Variants in BCKDHB observed in about 807,000 individuals in gnomAD.
BCKDHB encodes the protein 2-oxoisovalerate dehydrogenase subunit beta, mitochondrial.
In BCKDHB, 41 loss-of-function variants were observed where a neutral mutation model predicts 48.5. The ratio of observed to expected loss-of-function variants is 0.85; its 90% confidence interval spans 0.66 to 1.10. The LOEUF (loss-of-function observed/expected upper bound fraction) is 1.10. Ranked by LOEUF, BCKDHB falls within the 50% of genes least tolerant of loss-of-function variation. The probability of loss-of-function intolerance (pLI) is 0.00; values close to 1 mark genes in which losing one functional copy is unlikely to be tolerated. For missense variants in BCKDHB, 496 were observed against 494.2 expected (o/e 1.00, Z -0.03); for synonymous variants, 201 against 174.8 (o/e 1.15, Z -1.18).
chr6:80,306,331 A>T (rs1767875297), intron 9 of BCKDHB, among the ~76,000 whole-genome samples: 1 of 152,204 alleles, frequency 6.6e-6, no homozygotes. Context: ...TAAAGTGTCT[A>T]GGAGGTCAAA....
chr6:80,122,898 G>A (rs151198697), intron 1 of BCKDHB, among the ~76,000 whole-genome samples: 5,205 of 152,058 alleles, frequency 0.034, 306 homozygotes, highest in African/African-American at 0.12. Context: ...AGACCAGGGC[G>A]TATCTCAGTC....
At chr6:80,432,520 T>C in the BCKDHB span, among the ~76,000 whole-genome samples, 1 of 152,200 alleles carries the variant, frequency 6.6e-6, no homozygotes, top group Admixed American at 6.5e-5. Context: ...TGCTGTGTTT[T>C]TCGGCTCCAT....
chr6:80,240,259 T>C (rs1776325129), intron 8 of BCKDHB, among the ~76,000 whole-genome samples: 1 of 152,178 alleles, frequency 6.6e-6, no homozygotes, highest in Non-Finnish European at 1.5e-5. Flanking sequence ...TTTCACGATA[T>C]TGATTCCTCC....
At chr6:80,363,432 C>A in the BCKDHB span, among the ~76,000 whole-genome samples, 1 of 152,046 alleles carries the variant, frequency 6.6e-6, no homozygotes, top group Non-Finnish European at 1.5e-5. Flanking sequence ...ATATTATTTT[C>A]TTGTCTTTTC....
At chr6:80,301,068 G>A (rs552530214) in intron 9 of BCKDHB, among the ~76,000 whole-genome samples, 5 of 151,968 alleles carry the variant, frequency 3.3e-5, no homozygotes, top group Admixed American at 6.6e-5. Context: ...AGCCCTAAAA[G>A]GCTTTCATTA....
intron 6 of BCKDHB, among the ~76,000 whole-genome samples, chr6:80,174,585 G>A (rs1011610553): frequency 6.6e-6 from 1 of 152,108 alleles, no homozygotes; most frequent in African/African-American, 2.4e-5. Context: ...AGTTCAAACT[G>A]TGTTGTTCAA....
intron 8 of BCKDHB, among the ~76,000 whole-genome samples, chr6:80,209,175 A>G (rs1166149419): frequency 6.6e-6 from 1 of 151,946 alleles, no homozygotes; most frequent in Non-Finnish European, 1.5e-5. Context: ...ACTCTGGTGA[A>G]GATTAGTTGC....
intron 3 of BCKDHB, among the ~76,000 whole-genome samples, chr6:80,136,986 G>A (rs555487056): frequency 6.6e-6 from 1 of 152,230 alleles, no homozygotes; most frequent in East Asian, 1.9e-4. Flanking sequence ...GGATGAAATT[G>A]GAATCATTGT....
chr6:80,410,704 A>G, the BCKDHB span, among the ~76,000 whole-genome samples: 1 of 152,142 alleles, frequency 6.6e-6, no homozygotes, highest in African/African-American at 2.4e-5. Flanking sequence ...ATCTTCAATC[A>G]CTGATATTCT....
At chr6:80,315,600 T>G (rs551883202) in intron 9 of BCKDHB, among the ~76,000 whole-genome samples, 10 of 150,220 alleles carry the variant, frequency 6.7e-5, no homozygotes, top group African/African-American at 2.4e-4. Flanking sequence ...GATCCCTTGT[T>G]TTTTTTTTTT....
intron 8 of BCKDHB, among the ~76,000 whole-genome samples, chr6:80,208,429 A>T (rs1774769939): frequency 6.6e-6 from 1 of 151,824 alleles, no homozygotes; most frequent in Non-Finnish European, 1.5e-5. Flanking sequence ...CCAGAAAGAA[A>T]ATCAAACCTA....
rs1026585307 is a variant in BCKDHB, at chr6:80,207,526, A to G, written c.951+4314A>G. 2.0e-5 allele frequency among the ~76,000 whole-genome samples: 3 copies of G among 151,894 alleles called. No individual in the cohort carries two copies. The East Asian group carries it at 5.8e-4, about 29-fold the overall frequency. The stretch of plus-strand genomic sequence containing the variant: ...ATGATAAGATGATATAAACCCAAAT[A>G]TAGAAGTAATTAAATTAAATACAAA... On this transcript the variant is annotated intron_variant, in intron 8 of 9. Transcript: ENST00000320393.
At chr6:80,189,941 C>G (rs1306418161) in intron 6 of BCKDHB, among the ~76,000 whole-genome samples, 1 of 152,048 alleles carries the variant, frequency 6.6e-6, no homozygotes, top group African/African-American at 2.4e-5. Context: ...TAATATTGGA[C>G]TACAAATAAT....
intron 9 of BCKDHB, among the ~76,000 whole-genome samples, chr6:80,325,669 CTAGA>C (rs1768996314): frequency 6.6e-6 from 1 of 152,164 alleles, no homozygotes; most frequent in Non-Finnish European, 1.5e-5. Context: ...AGTTTCTTAA[CTAGA>C]CAATGAGCAG....
At chr6:80,452,751 A>G in the BCKDHB span, among the ~76,000 whole-genome samples, 1 of 152,226 alleles carries the variant, frequency 6.6e-6, no homozygotes, top group Non-Finnish European at 1.5e-5. Flanking sequence ...GCAAACAGTA[A>G]CAAAATGAAG....
At chr6:80,354,137 T>G in the BCKDHB span, among the ~76,000 whole-genome samples, 3 of 152,182 alleles carry the variant, frequency 2.0e-5, no homozygotes, top group Non-Finnish European at 4.4e-5. Flanking sequence ...ATGCAGGTTT[T>G]CTATTCACCC....
intron 8 of BCKDHB, among the ~76,000 whole-genome samples, chr6:80,267,504 G>A (rs1393527992): frequency 6.6e-6 from 1 of 152,020 alleles, no homozygotes; most frequent in East Asian, 1.9e-4. Context: ...TTGAGGGAGG[G>A]ATAGAATGTC....
At chr6:80,279,567 A>G (rs1480352640) in intron 9 of BCKDHB, among the ~76,000 whole-genome samples, 4 of 151,864 alleles carry the variant, frequency 2.6e-5, no homozygotes, top group Non-Finnish European at 5.9e-5. Flanking sequence ...GAAAGCATCC[A>G]ATGGATCCTC....
chr6:80,434,232 T>C, the BCKDHB span, among the ~76,000 whole-genome samples: 1 of 151,958 alleles, frequency 6.6e-6, no homozygotes, highest in Admixed American at 6.6e-5. Context: ...GTTTGAGCCA[T>C]TTTGATTTTT....
Sources: allele counts gnomAD v4.1 joint callset (sites outside exome capture counted in the v4.1 genomes callset), GRCh38; gene constraint gnomAD v4.1.1; transcripts MANE v1.5; gene names NCBI Gene and HGNC (gene_info 2026-07-23, HGNC 2026-07-21).